WNT7B: variants seen among roughly 807,000 people sequenced by gnomAD.
WNT7B encodes the protein protein Wnt-7b.
A neutral mutation model predicts 38.2 loss-of-function variants in WNT7B; 19 were observed. That is an observed-to-expected ratio of 0.50 (90% confidence interval 0.35 to 0.73). The LOEUF (loss-of-function observed/expected upper bound fraction) is 0.73, where lower values mean the gene tolerates loss of function less well. Among genes scored for constraint, WNT7B ranks in the 30% least tolerant of loss-of-function variants. The pLI, the probability that WNT7B is intolerant of heterozygous loss-of-function variation, is 0.01. For synonymous variants in WNT7B, 243 were observed against 209.3 expected, an observed-to-expected ratio of 1.16 and a Z score of -1.39; for missense variants, 423 against 507.9, an observed-to-expected ratio of 0.83 and a Z score of 1.61.
chr22:45,957,855 A>G (rs1043835637), intron 1 of WNT7B, among the ~76,000 whole-genome samples: 4 of 152,142 alleles, frequency 2.6e-5, no homozygotes, highest in Admixed American at 6.5e-5. Flanking sequence ...CCACCGACCT[A>G]AGGCAGAGCT....
chr22:45,936,874 TCTC>T (rs1342819956), intron 2 of WNT7B, among the ~76,000 whole-genome samples: 1 of 152,114 alleles, frequency 6.6e-6, no homozygotes, highest in African/African-American at 2.4e-5. Context: ...TTCCCCCTCT[TCTC>T]CTCAGGGCAA....
chr22:45,976,952 C>T lies in WNT7B; in HGVS notation c.-198G>A. ...CGGGATGCCGCCGCCGCCACCGCCG[C>T]GTGAGCCCGGGGAATTGACCCAGGC... On this transcript the variant is annotated 5_prime_UTR_variant, in exon 1 of 4. Transcript: ENST00000339464. This position sits in a 1 kb window ranked among gnomAD's most constrained non-coding sequence, Gnocchi z 8.5. The T allele has an allele frequency of 1.0e-6, 1 of 988,314 alleles. No individual in the cohort carries two copies. The highest frequency in any genetic ancestry group is 1.2e-6 in the Non-Finnish European group (1 of 832,410). The allele number at this position is 988,314 out of a possible 1,614,324, so 61.2% of individuals were successfully genotyped here. A position where few individuals can be genotyped will look rare whatever the true frequency, so the allele number is the denominator to read the frequency against.
intron 2 of WNT7B, among the ~76,000 whole-genome samples, chr22:45,936,567 G>T (rs1376411463): frequency 6.6e-6 from 1 of 152,264 alleles, no homozygotes; most frequent in Admixed American, 6.5e-5. Flanking sequence ...GGGCCATCCA[G>T]CTCTGCTCCC....
chr22:45,943,045 A>G (rs1014209381), intron 2 of WNT7B, among the ~76,000 whole-genome samples: 3 of 138,032 alleles, frequency 2.2e-5, no homozygotes, highest in African/African-American at 9.3e-5. Context: ...GCGTGTGTGC[A>G]GCATGCATGT....
chr22:45,932,666 C>T (rs1452817600), intron 2 of WNT7B, among the ~76,000 whole-genome samples: 2 of 152,236 alleles, frequency 1.3e-5, no homozygotes, highest in East Asian at 3.8e-4. Flanking sequence ...GAGTCCATGT[C>T]ATTTCTATGT....
At chr22:45,929,698 ATCTTTCCATCCAC>A (rs1931249363) in intron 3 of WNT7B, among the ~76,000 whole-genome samples, 1 of 144,288 alleles carries the variant, frequency 6.9e-6, no homozygotes, top group Non-Finnish European at 1.5e-5. Context: ...CCATCCACCC[ATCTTTCCATCCAC>A]CCGTGAATCC....
rs181537891 is a variant in WNT7B at position 45,943,566 on chromosome 22, T to C, written c.298+6354A>G. On this transcript the variant is annotated intron_variant, in intron 2 of 3. Transcript: ENST00000339464. Reference sequence around the variant, plus strand: ...CTGGCAAAGCCAGCAACTGCCTGTGTGAGGTGGCACAGAGACCCCTTCCTC... The same window carrying C: ...CTGGCAAAGCCAGCAACTGCCTGTGCGAGGTGGCACAGAGACCCCTTCCTC... Among the ~76,000 whole-genome samples the C allele has an allele frequency of 4.0e-3, 609 of 152,212 alleles. 7 individuals carry two copies. Among genetic ancestry groups the C allele is most frequent in the African/African-American group, 0.014 (588 of 41,548 alleles).
chr22:45,948,397 C>G (rs777437117), intron 2 of WNT7B, among the ~76,000 whole-genome samples: 6 of 152,234 alleles, frequency 3.9e-5, no homozygotes, highest in Non-Finnish European at 8.8e-5. Context: ...CACCCACAGG[C>G]TGCTCACCAC....
chr22:45,926,394 A>AG, intron 3 of WNT7B: 1 of 985,266 alleles, frequency 1.0e-6, no homozygotes, highest in South Asian at 4.7e-5. Context: ...CTGGTTGGGC[A>AG]GGGGGGTGGT....
chr22:45,924,140 G>A (rs1437367272), intron 3 of WNT7B, among the ~76,000 whole-genome samples: 4 of 152,172 alleles, frequency 2.6e-5, no homozygotes, highest in East Asian at 1.9e-4. Flanking sequence ...ATTAGCTGGC[G>A]CCCCACGGCT....
intron 2 of WNT7B, among the ~76,000 whole-genome samples, chr22:45,931,891 G>A (rs1471656952): frequency 1.3e-5 from 2 of 152,156 alleles, no homozygotes; most frequent in Admixed American, 6.5e-5. Context: ...AGCATGGGGG[G>A]CCTCGTCCCC....
intron 1 of WNT7B, among the ~76,000 whole-genome samples, chr22:45,970,427 A>C (rs988856315): frequency 2.2e-5 from 3 of 134,136 alleles, no homozygotes; most frequent in African/African-American, 9.6e-5. Flanking sequence ...GCAGAGGTAC[A>C]CTGGGCACCA....
chr22:45,928,877 G>A (rs924900019), intron 3 of WNT7B, among the ~76,000 whole-genome samples: 4 of 148,682 alleles, frequency 2.7e-5, no homozygotes, highest in African/African-American at 7.4e-5. Context: ...GACATACCAC[G>A]ACCTTGGTTC....
chr22:45,935,971 G>A (rs964783530), intron 2 of WNT7B: 1 of 985,232 alleles, frequency 1.0e-6, no homozygotes, highest in African/African-American at 1.7e-5. Flanking sequence ...CCTCTCTGAA[G>A]ACCCACAGCC....
In WNT7B at chr22:45,922,619, G is replaced by C. The variant is rs1258752727; in HGVS notation, c.*237C>G. ...CCAAGACCCCTGGCCTTGCTCTCTG[G>C]GTGGGTCACGGGTGCTGTTCTGCCG... is the stretch of plus-strand genomic sequence containing the variant. On this transcript the variant is annotated 3_prime_UTR_variant, in exon 4 of 4. Transcript: ENST00000339464. 28 of 616,454 alleles carry C rather than the reference G, an allele frequency of 4.5e-5. No homozygotes were observed. In the East Asian group the frequency reaches 8.0e-4, roughly 18 times the overall value. 38.2% of individuals were successfully genotyped at this position (616,454 alleles called of 1,614,324 possible). A position where few individuals can be genotyped will look rare whatever the true frequency, so the allele number is the denominator to read the frequency against.
intron 3 of WNT7B, chr22:45,925,564 T>C: frequency 1.0e-6 from 1 of 985,218 alleles, no homozygotes; most frequent in Non-Finnish European, 1.2e-6. Flanking sequence ...TGGGACCTCC[T>C]CCCTGCCTCC....
At chr22:45,945,277 T>A (rs1931767405) in intron 2 of WNT7B, among the ~76,000 whole-genome samples, 2 of 152,154 alleles carry the variant, frequency 1.3e-5, no homozygotes, top group Non-Finnish European at 2.9e-5. Context: ...GAGATGGGGC[T>A]TCACCACGTT....
chr22:45,958,007 G>C (rs1052961940), intron 1 of WNT7B, among the ~76,000 whole-genome samples: 2 of 152,244 alleles, frequency 1.3e-5, no homozygotes, highest in Admixed American at 6.5e-5. Flanking sequence ...CAGCGAGAAG[G>C]TTAAGTGCAG....
rs1243588109 is a variant in WNT7B at position 45,923,348 on chromosome 22, G to C, written c.571-13C>G. On this transcript the variant is annotated splice_polypyrimidine_tract_variant and intron_variant, in intron 3 of 3. Transcript: ENST00000339464. ...GGTCCTCTAGAACCTGCGGGTGACA[G>C]GGAAGCTGCTCGGCACGGCATGGCC... 1 of 1,589,070 alleles carries C rather than the reference G, an allele frequency of 6.3e-7. No homozygotes were observed. Among genetic ancestry groups the C allele is most frequent in the South Asian group, 1.1e-5 (1 of 87,634 alleles).
Sources: gnomAD v4.1 joint callset for allele counts (sites outside exome capture counted in the v4.1 genomes callset) on GRCh38, gnomAD v4.1.1 for gene constraint, Gnocchi (gnomAD v3.1) non-coding constraint, MANE v1.5 for transcripts, NCBI Gene and HGNC (gene_info 2026-07-23, HGNC 2026-07-21) for gene names.